The following KCTD1 variants were observed in gnomAD, a reference collection of about 807,000 sequenced individuals.
KCTD1 encodes the protein potassium channel tetramerization domain containing 1.
KCTD1 carries 24 observed loss-of-function variants against 66.0 expected under a neutral mutation model. The observed-to-expected ratio is 0.36, with a 90% confidence interval of 0.26 to 0.51. KCTD1 has a LOEUF of 0.51. Ranked by LOEUF, KCTD1 falls within the 20% of genes least tolerant of loss-of-function variation. The pLI is 0.95. For missense variants in KCTD1, 943 were observed against 1,205.2 expected (o/e 0.78, Z 3.22); for synonymous variants, 511 against 517.2 (o/e 0.99, Z 0.16).
At chr18:26,656,802 G>A (rs1285445691) in intron 1 of KCTD1, among the ~76,000 whole-genome samples, 2 of 149,306 alleles carry the variant, frequency 1.3e-5, no homozygotes, top group African/African-American at 4.9e-5. Context: ...GGCTCTGGGC[G>A]CCCCCGCGGC....
chr18:26,507,384 C>A (rs1338732311), intron 1 of KCTD1, among the ~76,000 whole-genome samples: 1 of 152,070 alleles, frequency 6.6e-6, no homozygotes, highest in East Asian at 1.9e-4. Flanking sequence ...ATTCTTATTT[C>A]TTAGAGACTC....
chr18:26,572,184 C>T (rs1986125257), intron 1 of KCTD1, among the ~76,000 whole-genome samples: 1 of 151,954 alleles, frequency 6.6e-6, no homozygotes, highest in Admixed American at 6.6e-5. Flanking sequence ...CTCAGCCTCC[C>T]GAGTACCTGG....
At chr18:26,455,945 T>G in intron 4 of KCTD1, 44 bp from the exon 5 acceptor site, 1 of 1,429,124 alleles carries the variant, frequency 7.0e-7, no homozygotes, top group Non-Finnish European at 9.6e-7. Context: ...GTGAGGTAAG[T>G]CCTATGGCTA....
intron 1 of KCTD1, among the ~76,000 whole-genome samples, chr18:26,554,062 A>ACATTCTTCTGTGTCTTAG (rs1567992473): frequency 1.3e-5 from 2 of 150,620 alleles, no homozygotes; most frequent in Non-Finnish European, 1.5e-5. Context: ...AATAGGAAGG[A>ACATTCTTCTGTGTCTTAG]AAGAAAGAAT....
At chr18:26,549,198 T>G, upstream of KCTD1, 2 of 985,312 alleles carry the variant, frequency 2.0e-6, no homozygotes, top group Non-Finnish European at 2.4e-6. Context: ...CGGGCGAGGC[T>G]TGGGAGCGGG....
chr18:26,631,672 A>C (rs12971008), upstream of KCTD1, among the ~76,000 whole-genome samples: 3 of 152,210 alleles, frequency 2.0e-5, no homozygotes, highest in African/African-American at 4.8e-5. Flanking sequence ...TAAAATTCTA[A>C]CAAAAATATT....
At chr18:26,553,116 A>C (rs1198077575), upstream of KCTD1, among the ~76,000 whole-genome samples, 3 of 151,324 alleles carry the variant, frequency 2.0e-5, no homozygotes, top group Non-Finnish European at 4.4e-5. Context: ...TCATCTTCCC[A>C]AGTAGCTGGG....
chr18:26,540,384 A>G (rs1984919952), intron 1 of KCTD1, among the ~76,000 whole-genome samples: 1 of 152,132 alleles, frequency 6.6e-6, no homozygotes, highest in South Asian at 2.1e-4. Context: ...ATGGATCAAA[A>G]CCTTCCAGGG....
chr18:26,646,222 A>C (rs1413332632), intron 1 of KCTD1, among the ~76,000 whole-genome samples: 3 of 152,224 alleles, frequency 2.0e-5, no homozygotes, highest in Non-Finnish European at 4.4e-5. Flanking sequence ...TCCCTCTGTT[A>C]GCATGGATCA....
chr18:26,556,676 C>T (rs921488121), intron 1 of KCTD1, among the ~76,000 whole-genome samples: 10 of 152,276 alleles, frequency 6.6e-5, no homozygotes, highest in African/African-American at 2.4e-4. Context: ...CATTAACACT[C>T]TCGATTTCTT....
chr18:26,604,215 C>T (rs2144976645), intron 1 of KCTD1, among the ~76,000 whole-genome samples: 1 of 152,230 alleles, frequency 6.6e-6, no homozygotes, highest in Non-Finnish European at 1.5e-5. Context: ...CAATGAAATA[C>T]CATCTCACAT....
At chr18:26,526,935 G>T (rs1984191279) in intron 1 of KCTD1, among the ~76,000 whole-genome samples, 1 of 151,294 alleles carries the variant, frequency 6.6e-6, no homozygotes, top group African/African-American at 2.4e-5. Flanking sequence ...GTTTCCCTAG[G>T]ATTAAAGCAA....
intron 1 of KCTD1, among the ~76,000 whole-genome samples, chr18:26,582,952 T>C (rs766768982): frequency 6.6e-6 from 1 of 151,994 alleles, no homozygotes; most frequent in Middle Eastern, 3.4e-3. Flanking sequence ...ATGAATTCAA[T>C]TTAGAGAAAA....
intron 1 of KCTD1, among the ~76,000 whole-genome samples, chr18:26,574,499 C>T (rs1036509746): frequency 6.6e-6 from 1 of 152,274 alleles, no homozygotes; most frequent in South Asian, 2.1e-4. Flanking sequence ...TGAGGGCAGG[C>T]CTTTGAGTGC....
upstream of KCTD1, among the ~76,000 whole-genome samples, chr18:26,643,750 C>G (rs1488567083): frequency 6.6e-6 from 1 of 152,158 alleles, no homozygotes. Context: ...ATCACGAGGT[C>G]AGGAGATGGA....
chr18:26,455,934 G>A (rs780941958), intron 4 of KCTD1, 33 bp from the exon 5 acceptor site: 2 of 1,604,024 alleles, frequency 1.2e-6, no homozygotes, highest in Non-Finnish European at 8.5e-7. Flanking sequence ...TCCAGTTAGG[G>A]GTGAGGTAAG....
chr18:26,590,491 CCTAT>C (rs1382086284), intron 1 of KCTD1, among the ~76,000 whole-genome samples: 1 of 152,012 alleles, frequency 6.6e-6, no homozygotes, highest in Non-Finnish European at 1.5e-5. Context: ...CTTATATTGC[CCTAT>C]CTATTTAGAA....
chr18:26,559,427 T>A (rs1404128136), intron 1 of KCTD1, among the ~76,000 whole-genome samples: 1 of 151,418 alleles, frequency 6.6e-6, no homozygotes, highest in Non-Finnish European at 1.5e-5. Context: ...AGAAACAGAG[T>A]GCTGGGTTCA....
intron 1 of KCTD1, among the ~76,000 whole-genome samples, chr18:26,555,733 A>G (rs1432600833): frequency 6.6e-6 from 1 of 152,260 alleles, no homozygotes; most frequent in African/African-American, 2.4e-5. Flanking sequence ...GGAATGGAGA[A>G]GAAAGAAGTT....
Sources: gnomAD v4.1 joint callset for allele counts (sites outside exome capture counted in the v4.1 genomes callset) on GRCh38, gnomAD v4.1.1 for gene constraint, MANE v1.5 for transcripts, NCBI Gene and HGNC (gene_info 2026-07-23, HGNC 2026-07-21) for gene names.